The following GART variants were observed in gnomAD, a reference collection of about 807,000 sequenced individuals.
GART encodes phosphoribosylglycinamide formyltransferase, phosphoribosylglycinamide synthetase, phosphoribosylaminoimidazole synthetase, also known as trifunctional purine biosynthetic protein adenosine-3.
In GART, 43 loss-of-function variants were observed where a neutral mutation model predicts 107.2. That is an observed-to-expected ratio of 0.40 (90% CI 0.31 to 0.52). The LOEUF (loss-of-function observed/expected upper bound fraction) is 0.52. Ranked by LOEUF, GART falls within the 20% of genes least tolerant of loss-of-function variation. The pLI is 0.52. For missense variants in GART, 1,107 were observed against 1,206.5 expected, an observed-to-expected ratio of 0.92 and a Z score of 1.22; for synonymous variants, 434 against 427.0, an observed-to-expected ratio of 1.02 and a Z score of -0.20.
At chr21:33,541,720 G>A (rs903497563) in intron 1 of GART, among the ~76,000 whole-genome samples, 1 of 152,166 alleles carries the variant, frequency 6.6e-6, no homozygotes, top group East Asian at 1.9e-4. Flanking sequence ...CGTATCAGAG[G>A]ATATGGAGAA....
intron 10 of GART, 26 bp downstream of exon 10, chr21:33,528,141 C>A: frequency 6.2e-7 from 1 of 1,610,224 alleles, no homozygotes; most frequent in South Asian, 1.1e-5. Flanking sequence ...ACGTTGTACT[C>A]CAACCTCTTG....
Position 33,504,234 on chromosome 21 carries a change from T to C in GART, c.2923A>G (p.Arg975Gly). 6.2e-7 allele frequency: 1 copy of C among 1,614,240 alleles called. No individual in the cohort carries two copies. Among genetic ancestry groups the C allele is most frequent in the Non-Finnish European group, 8.5e-7 (1 of 1,180,040 alleles). Residue 975 changes from arginine to glycine, a missense_variant, in exon 22 of 22, where the codon AGA (arginine) becomes GGA (glycine). Transcript: ENST00000381815. ...RGDTVATLSE[R>G]VKLAEHKIFP... is the part of the protein sequence containing the mutation. ...ATTTTATGTTCTGCTAATTTTACTC[T>C]TTCAGAAAGAGTTGCGACAGTATCA...
At chr21:33,528,058 T>C (rs747077344) in intron 10 of GART, 109 bp downstream of exon 10, 2 of 998,502 alleles carry the variant, frequency 2.0e-6, no homozygotes, top group Non-Finnish European at 3.1e-6. Flanking sequence ...GAAAGGTTTC[T>C]GATGGCTTCA....
chr21:33,529,082 T>C (rs1269365195), intron 7 of GART, 145 bp from the exon 8 acceptor site: 1 of 534,318 alleles, frequency 1.9e-6, no homozygotes, highest in Non-Finnish European at 3.3e-6. Flanking sequence ...TTGAAAGATT[T>C]AAACTTTCTC....
In GART at chr21:33,504,026, TA is replaced by T; in HGVS notation, c.*97del. On this transcript the variant is annotated 3_prime_UTR_variant, in exon 22 of 22. Transcript: ENST00000381815. ...TAAGGGTGAGGTCTTTTTTGTCTTT[TA>T]GCAGTTTTTCTTTTGGGCCAAGTCC... 9.0e-7 allele frequency: 1 copy of T among 1,115,542 alleles called. No homozygotes were observed. The highest frequency in any genetic ancestry group is 2.5e-5 in the East Asian group (1 of 40,722). 69.1% of individuals were successfully genotyped at this position (1,115,542 alleles called of 1,614,324 possible).
intron 10 of GART, among the ~76,000 whole-genome samples, chr21:33,525,472 G>C (rs2085055808): frequency 6.6e-6 from 1 of 152,180 alleles, no homozygotes; most frequent in African/African-American, 2.4e-5. Flanking sequence ...GTCTCACTCT[G>C]TTGCCAAGCT....
rs2084950974 is a variant in GART at position 33,520,434 on chromosome 21, G to A, written c.1632C>T (p.Asp544=). Residue 544 remains aspartate (D), a synonymous_variant, in exon 14 of 22, where the codon GAC becomes GAT. Transcript: ENST00000381815. ...CAACAACAGCTTCAGTTACACTGAG[G>A]TCAAGTTTTCCACAGGAAAAGTAAT... The part of the protein sequence containing the change: ...FLDYFSCGKL[D]LSVTEAVVAG... 6.2e-7 allele frequency: 1 copy of A among 1,614,122 alleles called. No individual in the cohort carries two copies.
chr21:33,518,157 T>C (rs2084910230), intron 14 of GART, among the ~76,000 whole-genome samples: 1 of 152,254 alleles, frequency 6.6e-6, no homozygotes, highest in Admixed American at 6.5e-5. Flanking sequence ...CAAACTTTAT[T>C]CCCAGGCTTC....
chr21:33,504,204 G>C lies in GART; in HGVS notation c.2953C>G (p.Pro985Ala). Residue 985 changes from proline (P) to alanine (A), a missense_variant, in exon 22 of 22, where the codon CCT becomes GCT. Pro to Ala is a conservative substitution (Grantham distance 27, BLOSUM62 -1). Transcript: ENST00000381815. ...CTGGCCACCAGCTGAAGGGCTGCAG[G>C]AAATATTTTATGTTCTGCTAATTTT... Reference protein sequence around the residue: ...RVKLAEHKIFPAALQLVASGT... With the variant: ...RVKLAEHKIFAAALQLVASGT... 1 of 1,614,164 alleles carries C rather than the reference G, an allele frequency of 6.2e-7. No homozygotes were observed. The highest frequency in any genetic ancestry group is 8.5e-7 in the Non-Finnish European group (1 of 1,180,008).
At position 33,524,352 on chromosome 21, in the gene GART, T is replaced by C. The variant is rs144529758; in HGVS notation, c.1298+417A>G. 730 of 822,250 alleles carry C rather than the reference T, an allele frequency of 8.9e-4. 5 individuals are homozygous for C. In the African/African-American group the frequency reaches 0.013, roughly 14 times the overall value. The allele number at this position is 822,250 out of a possible 1,614,324, so 50.9% of individuals were successfully genotyped here. A position where few individuals can be genotyped will look rare whatever the true frequency, so the allele number is the denominator to read the frequency against. On this transcript the variant is annotated intron_variant, in intron 11 of 21. Transcript: ENST00000381815. Reference sequence around the variant, plus strand: ...ATCACTTGAGCCCAGGATTTCAGACTGGCCTTGGCAACATGGTGAAACCCC... The same window carrying C: ...ATCACTTGAGCCCAGGATTTCAGACCGGCCTTGGCAACATGGTGAAACCCC...
chr21:33,530,930 TA>T (rs763359438), intron 6 of GART, 46 bp from the exon 7 acceptor site: 17,211 of 1,182,452 alleles, frequency 0.015, no homozygotes, highest in South Asian at 0.025. Context: ...TGTCAAAAAC[TA>T]AAAAAAAAAA....
In GART at chr21:33,525,009, G is replaced by A; in HGVS notation, c.1067-9C>T. The A allele has an allele frequency of 1.2e-6, 2 of 1,607,708 alleles. No individual in the cohort carries two copies. Among genetic ancestry groups the A allele is most frequent in the Non-Finnish European group, 1.7e-6 (2 of 1,176,862 alleles). ...TTGAGCCTCAGGAAACCCTAGAAGA[G>A]AGCATATTTGACATATGATTTCAAA... On this transcript the variant is annotated splice_polypyrimidine_tract_variant and intron_variant, in intron 10 of 21. Transcript: ENST00000381815.
chr21:33,523,504 G>C (rs1160708778), intron 11 of GART, among the ~76,000 whole-genome samples: 1 of 151,792 alleles, frequency 6.6e-6, no homozygotes, highest in African/African-American at 2.4e-5. Flanking sequence ...TAAATTTTTA[G>C]CCTGGTATTT....
chr21:33,513,134 T>A (rs2054970302), intron 16 of GART, among the ~76,000 whole-genome samples: 1 of 149,364 alleles, frequency 6.7e-6, no homozygotes, highest in African/African-American at 2.5e-5. Context: ...TGTGTGTGTG[T>A]GTGTATTTTT....
In GART at chr21:33,511,267, C is replaced by G; in HGVS notation, c.2299G>C (p.Val767Leu). 2 of 1,614,140 alleles carry G rather than the reference C, an allele frequency of 1.2e-6. No homozygotes were observed. Among genetic ancestry groups the G allele is most frequent in the Non-Finnish European group, 1.7e-6 (2 of 1,180,032 alleles). ...GAGCAAGTACCTTCAGCTCGTGCAA[C>G]CACACTGCCAATCACCCAGGCTTCT... ...KEEAWVIGSV[V>L]ARAEGSPRVK... The change falls in exon 17 of 22, where the codon GTT (valine) becomes CTT (leucine). Residue 767 changes from valine (V) to leucine (L), a missense_variant. By Grantham distance (32) the Val-to-Leu change is conservative. Transcript: ENST00000381815.
chr21:33,527,157 T>C (rs1436428494), intron 10 of GART, among the ~76,000 whole-genome samples: 3 of 152,212 alleles, frequency 2.0e-5, no homozygotes, highest in African/African-American at 4.8e-5. Context: ...CTAGCTGCCA[T>C]GCGTGGGATT....
At chr21:33,505,092 C>T (rs926304518) in intron 20 of GART, among the ~76,000 whole-genome samples, 1 of 152,178 alleles carries the variant, frequency 6.6e-6, no homozygotes, top group Non-Finnish European at 1.5e-5. Flanking sequence ...AAGGCAGTAA[C>T]ATAGATAGTA....
At chr21:33,510,224 C>G in intron 17 of GART, 1 of 238,522 alleles carries the variant, frequency 4.2e-6, no homozygotes, top group Non-Finnish European at 8.1e-6. Context: ...ATCTTCCTAG[C>G]GAGACCACCC....
chr21:33,513,784 G>A (rs1275557333), intron 16 of GART, among the ~76,000 whole-genome samples: 1 of 152,160 alleles, frequency 6.6e-6, no homozygotes, highest in Non-Finnish European at 1.5e-5. Flanking sequence ...TATCAAAAAT[G>A]ATGCTACTAA....
Sources: gnomAD v4.1 joint callset for allele counts (sites outside exome capture counted in the v4.1 genomes callset) on GRCh38, gnomAD v4.1.1 for gene constraint, MANE v1.5 for transcripts, NCBI Gene and HGNC (gene_info 2026-07-23, HGNC 2026-07-21) for gene names.